Variants in SLC7A11 observed in about 807,000 individuals in gnomAD.
SLC7A11 encodes the protein solute carrier family 7 member 11, also known as cystine/glutamate transporter.
In SLC7A11, 35 loss-of-function variants were observed where a neutral mutation model predicts 54.5. The ratio of observed to expected loss-of-function variants is 0.64; its 90% CI spans 0.49 to 0.85. The LOEUF is 0.85. Ranked by LOEUF, SLC7A11 falls within the 40% of genes least tolerant of loss-of-function variation. The pLI is 0.00. For missense variants in SLC7A11, 583 were observed against 618.1 expected, an observed-to-expected ratio of 0.94 and a Z score of 0.60; for synonymous variants, 230 against 225.2, an observed-to-expected ratio of 1.02 and a Z score of -0.19.
rs201065644 is a variant in SLC7A11, at chr4:138,198,351, AATAG to A, written c.792-13111_792-13108del. Among the ~76,000 whole-genome samples, 305 of 152,306 alleles carry A rather than the reference AATAG, an allele frequency of 2.0e-3. 3 individuals carry two copies. The highest frequency in any genetic ancestry group is 6.9e-3 in the African/African-American group (287 of 41,598). ...GGGACAAACTTTTTACAAATAATATAATAGATAAAGAATCAATACCCATAATATA... is the reference window on the plus strand; with the variant it reads ...GGGACAAACTTTTTACAAATAATATAATAAAGAATCAATACCCATAATATA... On this transcript the variant is annotated intron_variant, in intron 6 of 11. Coordinates refer to ENST00000280612, the MANE Select transcript of SLC7A11 (RefSeq NM_014331.4).
chr4:138,236,332 T>A lies in SLC7A11; in HGVS notation c.397A>T (p.Ile133Leu), dbSNP rs776660104. Reference sequence around the variant, plus strand: ...TTTCTACTATGCTCTTACCGTATTATGAGGAGTTCCACCCAGACTCGTACA... The same window carrying A: ...TTTCTACTATGCTCTTACCGTATTAAGAGGAGTTCCACCCAGACTCGTACA... ...AFVRVWVELL[I>L]IRPAATAVIS... Residue 133 changes from isoleucine (I) to leucine (L), a missense_variant, in exon 2 of 12, where the codon ATA becomes TTA. Coordinates refer to ENST00000280612, the MANE Select transcript of SLC7A11 (RefSeq NM_014331.4). 1 of 1,610,662 alleles carries A rather than the reference T, an allele frequency of 6.2e-7. No individual in the cohort carries two copies. The highest frequency in any genetic ancestry group is 8.5e-7 in the Non-Finnish European group (1 of 1,178,874).
At chr4:138,191,241 A>G (rs1452335189) in intron 6 of SLC7A11, among the ~76,000 whole-genome samples, 1 of 152,186 alleles carries the variant, frequency 6.6e-6, no homozygotes, top group Non-Finnish European at 1.5e-5. Context: ...CAGTGATCTC[A>G]CTGATTTCCA....
At chr4:138,183,574 C>T (rs746588947) in intron 7 of SLC7A11, among the ~76,000 whole-genome samples, 4 of 152,126 alleles carry the variant, frequency 2.6e-5, no homozygotes, top group African/African-American at 4.8e-5. Flanking sequence ...TTTATCGAAT[C>T]TTTATCAACT....
intron 11 of SLC7A11, among the ~76,000 whole-genome samples, chr4:138,178,969 T>C (rs185113040): frequency 1.5e-4 from 23 of 152,170 alleles, no homozygotes; most frequent in African/African-American, 5.1e-4. Context: ...CTGATAAAAT[T>C]TCATCTAAAA....
At chr4:138,234,248 T>G (rs995861079) in intron 2 of SLC7A11, among the ~76,000 whole-genome samples, 4 of 152,236 alleles carry the variant, frequency 2.6e-5, no homozygotes, top group Admixed American at 2.0e-4. Flanking sequence ...TGACCCCTGC[T>G]GTGTACAGAT....
chr4:138,175,778 GCAGCCTTTCAC>G (rs1389934200), intron 11 of SLC7A11: 7 of 152,016 alleles, frequency 4.6e-5, no homozygotes, highest in African/African-American at 1.7e-4. Flanking sequence ...TCAGTTCTCA[GCAGCCTTTCAC>G]CATTTTCCGA....
rs752680028 is a variant in SLC7A11 at position 138,170,271 on chromosome 4, T to TATATATACACAC, written c.*1684_*1685insGTGTGTATATAT. The TATATATACACAC allele has an allele frequency of 2.5e-3, 214 of 86,206 alleles. 1 individual carries two copies. Among genetic ancestry groups the TATATATACACAC allele is most frequent in the Non-Finnish European group, 3.7e-3 (165 of 44,298 alleles). 5.3% of individuals were successfully genotyped at this position (86,206 alleles called of 1,614,324 possible). A position where few individuals can be genotyped will look rare whatever the true frequency, so the allele number is the denominator to read the frequency against. On this transcript the variant is annotated 3_prime_UTR_variant, in exon 12 of 12. Coordinates refer to ENST00000280612, the MANE Select transcript of SLC7A11 (RefSeq NM_014331.4). ...GTGTGTATATATATATATATATATA[T>TATATATACACAC]ACACACACACACACACACACACATA...
At chr4:138,184,226 G>A (rs1427150859) in intron 7 of SLC7A11, among the ~76,000 whole-genome samples, 2 of 152,090 alleles carry the variant, frequency 1.3e-5, no homozygotes, top group East Asian at 3.9e-4. Flanking sequence ...AGCAGTGGTC[G>A]AAGTCTTTTT....
At chr4:138,206,996 C>CA (rs369656942) in intron 6 of SLC7A11, among the ~76,000 whole-genome samples, 2,881 of 113,618 alleles carry the variant, frequency 0.025, 113 homozygotes, top group African/African-American at 0.084. Flanking sequence ...TAAAGAAAAG[C>CA]AAAAAAAAAA....
rs188269211 is a variant in SLC7A11, at chr4:138,182,365, G to A, written c.1048C>T (p.His350Tyr). The change falls in exon 9 of 12, where the codon CAC becomes TAC. Residue 350 changes from histidine (H) to tyrosine (Y), a missense_variant. By Grantham distance (83) the His-to-Tyr change is moderately conservative. Coordinates refer to ENST00000280612, the MANE Select transcript of SLC7A11 (RefSeq NM_014331.4). ...ATCATGGAGAGGATTTCTGGAAGGT[G>A]ACCCTCTCGAGACGCAACATAGAAT... is the stretch of plus-strand genomic sequence containing the variant. ...RLFYVASREG[H>Y]LPEILSMIHV... The A allele has an allele frequency of 1.2e-6, 2 of 1,610,540 alleles. No homozygotes were observed. The highest frequency in any genetic ancestry group is 2.7e-5 in the African/African-American group (2 of 74,900).
chr4:138,171,884 C>T lies in SLC7A11; in HGVS notation c.*72G>A. 6.5e-7 allele frequency: 1 copy of T among 1,540,588 alleles called. No homozygotes were observed. Among genetic ancestry groups the T allele is most frequent in the Non-Finnish European group, 8.7e-7 (1 of 1,153,618 alleles). On this transcript the variant is annotated 3_prime_UTR_variant, in exon 12 of 12. Transcript: ENST00000280612. Reference sequence around the variant, plus strand: ...CCAAAGTTGTAATTCTCTAGACTTTCAGAAAATGAAGTAAAAATCCCTATT... The same window carrying T: ...CCAAAGTTGTAATTCTCTAGACTTTTAGAAAATGAAGTAAAAATCCCTATT...
chr4:138,187,131 A>G (rs940288009), intron 6 of SLC7A11, among the ~76,000 whole-genome samples: 1 of 152,122 alleles, frequency 6.6e-6, no homozygotes, highest in African/African-American at 2.4e-5. Context: ...CTCTCCCAGC[A>G]TAGAATTTAC....
chr4:138,195,388 G>A (rs1369023935), intron 6 of SLC7A11, among the ~76,000 whole-genome samples: 6 of 152,092 alleles, frequency 3.9e-5, no homozygotes, highest in Admixed American at 3.9e-4. Context: ...TTTATATCAA[G>A]TTCATTCATT....
chr4:138,230,961 T>A (rs13140611), intron 3 of SLC7A11, among the ~76,000 whole-genome samples: 61,961 of 151,992 alleles, frequency 0.41, 13,543 homozygotes, highest in Middle Eastern at 0.61. Flanking sequence ...AATGATGTTT[T>A]TCCAAAAGTA....
At chr4:138,200,947 A>G (rs1178945539) in intron 6 of SLC7A11, among the ~76,000 whole-genome samples, 1 of 152,132 alleles carries the variant, frequency 6.6e-6, no homozygotes, top group Non-Finnish European at 1.5e-5. Context: ...TTTGCTATCT[A>G]TCTCTTAGAG....
At chr4:138,202,593 C>T (rs1463087872) in intron 6 of SLC7A11, among the ~76,000 whole-genome samples, 1 of 152,000 alleles carries the variant, frequency 6.6e-6, no homozygotes, top group Non-Finnish European at 1.5e-5. Context: ...TACATTTCCA[C>T]CCTTCAGCCA....
At chr4:138,229,763 A>T (rs1245228730) in intron 3 of SLC7A11, among the ~76,000 whole-genome samples, 2 of 152,234 alleles carry the variant, frequency 1.3e-5, no homozygotes, top group African/African-American at 4.8e-5. Flanking sequence ...TAAAAACATA[A>T]ATATAGCATT....
chr4:138,189,093 C>T (rs1404466341), intron 6 of SLC7A11, among the ~76,000 whole-genome samples: 2 of 152,146 alleles, frequency 1.3e-5, no homozygotes, highest in Non-Finnish European at 2.9e-5. Context: ...GTCTACGTCA[C>T]ACATACTTGC....
Position 138,170,118 on chromosome 4 carries a change from C to G in SLC7A11, c.*1838G>C, listed in dbSNP as rs1736371480. 1 of 149,092 alleles carries G rather than the reference C, an allele frequency of 6.7e-6. No individual in the cohort carries two copies. The highest frequency in any genetic ancestry group is 6.7e-5 in the Admixed American group (1 of 14,858). The allele number at this position is 149,092 out of a possible 1,614,324, so 9.2% of individuals were successfully genotyped here. On this transcript the variant is annotated 3_prime_UTR_variant, in exon 12 of 12. Transcript: ENST00000280612. Reference sequence around the variant, plus strand: ...CAAAAATTAAAGGATGAAACATACTCTGGCCATGACTAACCATTTTACCTT... The same window carrying G: ...CAAAAATTAAAGGATGAAACATACTGTGGCCATGACTAACCATTTTACCTT...
Sources: gnomAD v4.1 joint callset for allele counts (sites outside exome capture counted in the v4.1 genomes callset) on GRCh38, gnomAD v4.1.1 for gene constraint, MANE v1.5 for transcripts, NCBI Gene and HGNC (gene_info 2026-07-23, HGNC 2026-07-21) for gene names.